Variants in MPDZ observed in about 807,000 individuals in gnomAD.
MPDZ encodes the protein multiple PDZ domain protein.
In MPDZ, 234 loss-of-function variants were observed where a neutral mutation model predicts 239.1. That is an observed-to-expected ratio of 0.98 (90% confidence interval 0.88 to 1.09). The LOEUF (loss-of-function observed/expected upper bound fraction) is 1.09, where lower values mean the gene tolerates loss of function less well. Among genes scored for constraint, MPDZ ranks in the 50% least tolerant of loss-of-function variants. The pLI, the probability that MPDZ is intolerant of heterozygous loss-of-function variation, is 0.00. For missense variants in MPDZ, 3,175 were observed against 2,510.0 expected (o/e 1.26, Z -5.66); for synonymous variants, 1,048 against 881.3 (o/e 1.19, Z -3.35).
intron 12 of MPDZ, among the ~76,000 whole-genome samples, chr9:13,198,737 C>CTCTCTCTCTGTGTGTGTGTGTGTG (rs755487892): frequency 1.3e-4 from 9 of 69,806 alleles, no homozygotes; most frequent in Admixed American, 3.1e-4. Flanking sequence ...ATCTCTCTCT[C>CTCTCTCTCTGTGTGTGTGTGTGTG]TGTGTGTGTG....
Position 13,116,167 on chromosome 9 carries a change from A to C in MPDZ, c.5380-833T>G, listed in dbSNP as rs1182539220. On this transcript the variant is annotated intron_variant, in intron 39 of 46. Coordinates refer to ENST00000319217, the MANE Select transcript of MPDZ (RefSeq NM_001378778.1). ...GACAATCTTTCTTGCACCCCTTTAC[A>C]AATAAACCATAGGCATGCAAGAAAT... 3.3e-5 allele frequency among the ~76,000 whole-genome samples: 5 copies of C among 152,142 alleles called. 1 individual carries two copies. Among genetic ancestry groups the C allele is most frequent in the Non-Finnish European group, 5.9e-5 (4 of 68,030 alleles).
chr9:13,231,519 G>T (rs757422405), intron 3 of MPDZ, among the ~76,000 whole-genome samples: 4 of 151,934 alleles, frequency 2.6e-5, no homozygotes, highest in Non-Finnish European at 5.9e-5. Flanking sequence ...GTGAGCCACT[G>T]TACTCCAGCC....
Position 13,192,162 on chromosome 9 carries a change from A to G in MPDZ, c.1937T>C (p.Leu646Pro), listed in dbSNP as rs745378208. Reference protein sequence around the residue: ...PPTTQSELDSLDLCDIELTEK... With the variant: ...PPTTQSELDSPDLCDIELTEK... ...TGTTAGCTCAATATCACATAAGTCC[A>G]GGCTATCCAATTCTGATTGGGTGGT... The change falls in exon 15 of 47, where the codon CTG (leucine) becomes CCG (proline). Residue 646 changes from leucine (L) to proline (P), a missense_variant. Physicochemically the swap from Leu to Pro is moderately conservative, Grantham distance 98 (BLOSUM62 -3). Coordinates refer to ENST00000319217, the MANE Select transcript of MPDZ (RefSeq NM_001378778.1). 5.0e-6 allele frequency: 8 copies of G among 1,609,718 alleles called. No homozygotes were observed. Among genetic ancestry groups the G allele is most frequent in the Admixed American group, 1.7e-5 (1 of 59,700 alleles).
chr9:13,276,492 A>C lies in MPDZ; in HGVS notation c.-58+2908T>G, dbSNP rs554357186. ...GTTGATAATGTACGTAACAATATCA[A>C]ATGAAATCCTACTTTAGGCCAAATA... On this transcript the variant is annotated intron_variant, in intron 1 of 46. Transcript: ENST00000319217. 219 of 152,342 alleles carry C rather than the reference A, an allele frequency of 1.4e-3. 1 individual carries two copies. Among genetic ancestry groups the C allele is most frequent in the African/African-American group, 5.0e-3 (208 of 41,580 alleles). The allele number at this position is 152,342 out of a possible 1,614,324, so 9.4% of individuals were successfully genotyped here. A position where few individuals can be genotyped will look rare whatever the true frequency, so the allele number is the denominator to read the frequency against.
intron 22 of MPDZ, 105 bp downstream of exon 22, chr9:13,168,261 G>T: frequency 1.0e-6 from 1 of 1,001,334 alleles, no homozygotes. Context: ...TAAAAAAAAT[G>T]TGATAACGTT....
intron 3 of MPDZ, among the ~76,000 whole-genome samples, chr9:13,235,138 A>C (rs1963600727): frequency 6.6e-6 from 1 of 152,174 alleles, no homozygotes; most frequent in African/African-American, 2.4e-5. Flanking sequence ...ACCCTTGCAC[A>C]GTAATTGATG....
chr9:13,221,229 G>A, intron 7 of MPDZ, 143 bp downstream of exon 7: 2 of 805,740 alleles, frequency 2.5e-6, no homozygotes, highest in Non-Finnish European at 3.6e-6. Context: ...ACATTTTAGG[G>A]ACACTCAATA....
chr9:13,119,706 A>G, intron 38 of MPDZ, 57 bp from the exon 39 acceptor site: 3 of 1,604,996 alleles, frequency 1.9e-6, no homozygotes, highest in Middle Eastern at 1.7e-4. Flanking sequence ...TGCAATGCTT[A>G]TTTAATAAAA....
At chr9:13,115,833 T>C (rs1233392463) in intron 39 of MPDZ, among the ~76,000 whole-genome samples, 3 of 150,754 alleles carry the variant, frequency 2.0e-5, no homozygotes, top group African/African-American at 7.3e-5. Context: ...TAGTCCCAGC[T>C]ACTCAGGAGG....
intron 28 of MPDZ, among the ~76,000 whole-genome samples, chr9:13,139,533 CT>C (rs1298167547): frequency 1.3e-5 from 2 of 152,188 alleles, no homozygotes; most frequent in Non-Finnish European, 2.9e-5. Context: ...AGTTAAACAG[CT>C]TAGTCAATGC....
chr9:13,225,505 C>T (rs1017895041), intron 3 of MPDZ, among the ~76,000 whole-genome samples: 3 of 151,884 alleles, frequency 2.0e-5, no homozygotes, highest in East Asian at 1.9e-4. Flanking sequence ...CACTGATTCA[C>T]CTATAGTAAC....
At chr9:13,134,020 CATTT>C (rs933492691) in intron 31 of MPDZ, 116 bp from the exon 32 acceptor site, 6 of 367,908 alleles carry the variant, frequency 1.6e-5, no homozygotes, top group East Asian at 4.6e-5. Context: ...AATTATTTTA[CATTT>C]ATTTATTTTA....
In MPDZ at chr9:13,147,630, C is replaced by T. The variant is rs1025022489; in HGVS notation, c.3659G>A (p.Ser1220Asn). The T allele has an allele frequency of 6.2e-7, 1 of 1,612,186 alleles. No individual in the cohort carries two copies. Among genetic ancestry groups the T allele is most frequent in the Non-Finnish European group, 8.5e-7 (1 of 1,178,716 alleles). The change falls in exon 26 of 47, where the codon AGC (serine) becomes AAC (asparagine). Residue 1220 changes from serine (S) to asparagine (N), a missense_variant. By Grantham distance (46) the Ser-to-Asn change is conservative (BLOSUM62 1). Transcript: ENST00000319217. ...AATGGCTTCCACAGCTTGTTCATGG[C>T]TTGCATCTCTGAGGTCCATTCCATC... ...EVDGMDLRDASHEQAVEAIRK... is the reference protein window; with the variant it reads ...EVDGMDLRDANHEQAVEAIRK...
intron 2 of MPDZ, among the ~76,000 whole-genome samples, chr9:13,249,162 CAT>C (rs1280173183): frequency 2.0e-5 from 3 of 151,146 alleles, no homozygotes; most frequent in Admixed American, 2.0e-4. Flanking sequence ...AATATTTACT[CAT>C]ATGCAGAATT....
At position 13,106,906 on chromosome 9, in the gene MPDZ, A is replaced by G. The variant is rs146864800; in HGVS notation, c.*59T>C. 1.7e-4 allele frequency: 266 copies of G among 1,582,800 alleles called. No homozygotes were observed. The East Asian group carries it at 4.8e-3, about 28-fold the overall frequency. On this transcript the variant is annotated 3_prime_UTR_variant, in exon 47 of 47. Transcript: ENST00000319217. Reference sequence around the variant, plus strand: ...GCATAAAAATTGTCAGGACCAGTGCATTCTCTTTACAGTAGGAGGTGAGCT... The same window carrying G: ...GCATAAAAATTGTCAGGACCAGTGCGTTCTCTTTACAGTAGGAGGTGAGCT...
intron 18 of MPDZ, among the ~76,000 whole-genome samples, chr9:13,185,883 G>GA (rs944723221): frequency 6.6e-6 from 1 of 151,844 alleles, no homozygotes. Context: ...ATATCTAATG[G>GA]AAAAAAGATA....
chr9:13,114,161 C>G, intron 40 of MPDZ, 140 bp from the exon 41 acceptor site: 2 of 699,682 alleles, frequency 2.9e-6, no homozygotes, highest in Non-Finnish European at 4.8e-6. Context: ...AATTTAAACA[C>G]AGTTCCTACT....
intron 27 of MPDZ, among the ~76,000 whole-genome samples, chr9:13,141,340 C>A (rs891456817): frequency 6.6e-6 from 1 of 152,036 alleles, no homozygotes; most frequent in Admixed American, 6.6e-5. Context: ...AACAGTGGTA[C>A]TAGACTTCTT....
intron 10 of MPDZ, among the ~76,000 whole-genome samples, chr9:13,215,756 T>TTTA (rs1554703409): frequency 7.6e-6 from 1 of 131,372 alleles, no homozygotes; most frequent in African/African-American, 2.9e-5. Flanking sequence ...ATTGCAGGTT[T>TTTA]TTTTTTTTTT....
Sources: gnomAD v4.1 joint callset for allele counts (sites outside exome capture counted in the v4.1 genomes callset) on GRCh38, gnomAD v4.1.1 for gene constraint, MANE v1.5 for transcripts, NCBI Gene and HGNC (gene_info 2026-07-23, HGNC 2026-07-21) for gene names.